Variants in NFIB observed in about 807,000 individuals in gnomAD.
NFIB encodes the protein nuclear factor 1 B-type.
Under a neutral mutation model 61.5 loss-of-function variants are expected in NFIB, and 11 were observed. The ratio of observed to expected loss-of-function variants is 0.18; its 90% CI spans 0.11 to 0.30. NFIB has a LOEUF of 0.30. Ranked by LOEUF, NFIB falls within the 10% of genes least tolerant of loss-of-function variation. The pLI is 1.00. For missense variants in NFIB, 471 were observed against 608.9 expected, an observed-to-expected ratio of 0.77 and a Z score of 2.38; for synonymous variants, 260 against 216.5, an observed-to-expected ratio of 1.20 and a Z score of -1.76.
intron 7 of NFIB, among the ~76,000 whole-genome samples, chr9:14,122,048 G>C (rs2039010841): frequency 6.6e-6 from 1 of 151,796 alleles, no homozygotes; most frequent in South Asian, 2.1e-4. Flanking sequence ...TCAAATAATA[G>C]GAAATTATAA....
At chr9:14,112,840 C>G (rs770927886) in intron 10 of NFIB, among the ~76,000 whole-genome samples, 159 bp downstream of exon 10, 1 of 152,110 alleles carries the variant, frequency 6.6e-6, no homozygotes, top group Non-Finnish European at 1.5e-5. Flanking sequence ...AGGTGAGAAA[C>G]AAAGGATCAA....
intron 2 of NFIB, among the ~76,000 whole-genome samples, chr9:14,191,771 A>G (rs904983083): frequency 3.9e-5 from 6 of 152,218 alleles, no homozygotes; most frequent in African/African-American, 1.4e-4. Context: ...CAAGCTTTTT[A>G]CTGCAGACTC....
chr9:14,428,495 AAAAGAG>A, the NFIB span, among the ~76,000 whole-genome samples: 7 of 152,164 alleles, frequency 4.6e-5, no homozygotes, highest in Non-Finnish European at 1.0e-4. Context: ...AAGAAACTGC[AAAAGAG>A]AAAGAGGGAA....
intron 2 of NFIB, among the ~76,000 whole-genome samples, chr9:14,228,635 T>C (rs1404554527): frequency 6.6e-6 from 1 of 152,226 alleles, no homozygotes; most frequent in Admixed American, 6.5e-5. Flanking sequence ...TAAATTCAAA[T>C]TGCTTGCAAA....
intron 10 of NFIB, among the ~76,000 whole-genome samples, chr9:14,109,693 G>C (rs1162212571): frequency 6.6e-6 from 1 of 152,086 alleles, no homozygotes; most frequent in East Asian, 1.9e-4. Context: ...TAAAGAAAAA[G>C]TCTAAAGTCA....
the NFIB span, among the ~76,000 whole-genome samples, chr9:14,429,572 G>T: frequency 6.6e-6 from 1 of 152,190 alleles, no homozygotes; most frequent in African/African-American, 2.4e-5. Flanking sequence ...GCTTCCTATG[G>T]CTGAGCTACA....
intron 2 of NFIB, among the ~76,000 whole-genome samples, chr9:14,203,663 AC>A (rs1242289239): frequency 3.3e-5 from 5 of 152,224 alleles, no homozygotes; most frequent in Non-Finnish European, 7.3e-5. Flanking sequence ...GCAAAGGCCA[AC>A]CCTGCTACCA....
chr9:14,476,989 T>C, the NFIB span, among the ~76,000 whole-genome samples: 26 of 152,386 alleles, frequency 1.7e-4, no homozygotes, highest in Admixed American at 1.5e-3. Context: ...TTGAATCTCT[T>C]AGTACTTTAA....
intron 1 of NFIB, among the ~76,000 whole-genome samples, chr9:14,345,058 G>T (rs971002457): frequency 5.9e-5 from 9 of 152,134 alleles, no homozygotes; most frequent in Admixed American, 5.9e-4. Context: ...CTGGGAGTCC[G>T]TCTTGGGCCA....
intron 3 of NFIB, among the ~76,000 whole-genome samples, chr9:14,156,790 T>G (rs553545239): frequency 3.9e-4 from 60 of 152,316 alleles, no homozygotes; most frequent in African/African-American, 1.3e-3. Context: ...TATGGCCTAC[T>G]TGCTTCTGTC....
intron 2 of NFIB, among the ~76,000 whole-genome samples, chr9:14,287,446 G>A (rs574730285): frequency 2.2e-4 from 33 of 151,272 alleles, no homozygotes; most frequent in African/African-American, 7.2e-4. Flanking sequence ...AAATTGAGAC[G>A]GAGTTCTGCT....
chr9:14,292,368 G>C (rs1330804485), intron 2 of NFIB, among the ~76,000 whole-genome samples: 1 of 152,112 alleles, frequency 6.6e-6, no homozygotes, highest in Non-Finnish European at 1.5e-5. Flanking sequence ...TTAACTATTG[G>C]ACTTTGAAAT....
the NFIB span, among the ~76,000 whole-genome samples, chr9:14,489,809 A>T: frequency 1.3e-5 from 2 of 152,120 alleles, no homozygotes; most frequent in Admixed American, 6.5e-5. Flanking sequence ...TGTATTAAAT[A>T]TATTTCTATT....
chr9:14,511,453 C>G, the NFIB span, among the ~76,000 whole-genome samples: 1 of 151,942 alleles, frequency 6.6e-6, no homozygotes, highest in Non-Finnish European at 1.5e-5. Context: ...ATAATGGCAA[C>G]TATTGAGTGC....
At chr9:14,521,668 T>C in the NFIB span, among the ~76,000 whole-genome samples, 5 of 152,184 alleles carry the variant, frequency 3.3e-5, no homozygotes, top group African/African-American at 4.8e-5. Context: ...ATTTGTTCAG[T>C]TAATGGAATC....
intron 1 of NFIB, among the ~76,000 whole-genome samples, chr9:14,364,900 CAGCAGGGTGATTTA>C (rs2061282270): frequency 6.6e-6 from 1 of 152,220 alleles, no homozygotes; most frequent in Non-Finnish European, 1.5e-5. Flanking sequence ...AGGAACAAGA[CAGCAGGGTGATTTA>C]AGAGTTCTTG....
At chr9:14,457,969 A>G in the NFIB span, among the ~76,000 whole-genome samples, 1 of 152,208 alleles carries the variant, frequency 6.6e-6, no homozygotes, top group Non-Finnish European at 1.5e-5. Flanking sequence ...TCCTTCTGAA[A>G]CTATTCCAAT....
intron 1 of NFIB, among the ~76,000 whole-genome samples, chr9:14,371,569 G>C (rs868695462): frequency 2.5e-4 from 38 of 152,290 alleles, no homozygotes; most frequent in African/African-American, 8.2e-4. Context: ...GAACACCTAG[G>C]CTACATTTGG....
At chr9:14,476,176 ATTT>A in the NFIB span, among the ~76,000 whole-genome samples, 2 of 148,230 alleles carry the variant, frequency 1.3e-5, no homozygotes, top group East Asian at 4.0e-4. Flanking sequence ...AAGGAAAAAT[ATTT>A]TTTTTTCTGA....
Sources: allele counts gnomAD v4.1 joint callset (sites outside exome capture counted in the v4.1 genomes callset), GRCh38; gene constraint gnomAD v4.1.1; transcripts MANE v1.5; gene names NCBI Gene and HGNC (gene_info 2026-07-23, HGNC 2026-07-21).